Variants in NAB1 observed in about 807,000 individuals in gnomAD.
NAB1 encodes the protein NGFI-A-binding protein 1.
A neutral mutation model predicts 49.9 loss-of-function variants in NAB1; 25 were observed. The ratio of observed to expected loss-of-function variants is 0.50; its 90% CI spans 0.37 to 0.70. The LOEUF (loss-of-function observed/expected upper bound fraction) is 0.70, where lower values mean the gene tolerates loss of function less well. Among genes scored for constraint, NAB1 ranks in the 30% least tolerant of loss-of-function variants. NAB1 has a pLI of 0.00. For synonymous variants in NAB1, 198 were observed against 215.6 expected (o/e 0.92, Z 0.71); for missense variants, 489 against 575.9 (o/e 0.85, Z 1.54).
chr2:190,653,177 T>G (rs1344093726), intron 2 of NAB1, among the ~76,000 whole-genome samples: 1 of 152,202 alleles, frequency 6.6e-6, no homozygotes, highest in Non-Finnish European at 1.5e-5. Context: ...CTCAGGCCCC[T>G]GTACCTTCAA....
chr2:190,680,050 G>A lies in NAB1; in HGVS notation c.1006-3688G>A, dbSNP rs1258517994. Among the ~76,000 whole-genome samples the A allele has an allele frequency of 6.6e-6, 1 of 152,114 alleles. No individual in the cohort carries two copies. The highest frequency in any genetic ancestry group is 1.9e-4 in the East Asian group (1 of 5,192). On this transcript the variant is annotated intron_variant, in intron 6 of 9. Transcript: ENST00000337386. The surrounding 1 kb of genome is among the most constrained non-coding windows in gnomAD (Gnocchi z 5.2). ...GAATGTCATAACCAAACTCTCAGTT[G>A]CCTTATTTCTGCGGCACCTGCCACT...
Position 190,690,254 on chromosome 2 carries a change from G to A in NAB1, c.1385G>A (p.Gly462Glu). The A allele has an allele frequency of 3.1e-6, 5 of 1,609,150 alleles. No individual in the cohort carries two copies. Among genetic ancestry groups the A allele is most frequent in the Non-Finnish European group, 4.3e-6 (5 of 1,176,178 alleles). ...TTCCATTTTTATGTAGAGAGCCTTG[G>A]GATTTTAAAAGACTACCCTCATTCA... ...EAKSHSSESLGILKDYPHSAF... is the reference protein window; with the variant it reads ...EAKSHSSESLEILKDYPHSAF... Residue 462 changes from glycine to glutamate, a missense_variant, in exon 10 of 10, where the codon GGG becomes GAG. By Grantham distance (98) the Gly-to-Glu change is moderately conservative (BLOSUM62 -2). Coordinates refer to ENST00000337386, the MANE Select transcript of NAB1 (RefSeq NM_005966.4).
intron 4 of NAB1, 86 bp downstream of exon 4, chr2:190,660,081 A>G (rs1694144098): frequency 1.7e-6 from 2 of 1,185,362 alleles, no homozygotes; most frequent in Non-Finnish European, 2.4e-6. Context: ...TTTGCCACAA[A>G]TGTGATACAC....
intron 4 of NAB1, 52 bp downstream of exon 4, chr2:190,660,047 C>CTAA (rs762711434): frequency 6.7e-7 from 1 of 1,500,606 alleles, no homozygotes; most frequent in African/African-American, 1.4e-5. Flanking sequence ...TGTTGCTAGT[C>CTAA]GTTAGAGATA....
chr2:190,672,583 G>A (rs1483510953), intron 5 of NAB1, among the ~76,000 whole-genome samples: 2 of 152,122 alleles, frequency 1.3e-5, no homozygotes, highest in African/African-American at 2.4e-5. Context: ...TACATCTTAA[G>A]TGGTCATTTT....
Position 190,649,607 on chromosome 2 carries a change from G to A in NAB1, c.-333-239G>A, listed in dbSNP as rs754753580. On this transcript the variant is annotated intron_variant, in intron 1 of 9. Coordinates refer to ENST00000337386, the MANE Select transcript of NAB1 (RefSeq NM_005966.4). This position sits in a 1 kb window ranked among gnomAD's most constrained non-coding sequence, Gnocchi z 6.1. Reference sequence around the variant, plus strand: ...GCGGCGGGGAGCGCGGCCCTGACTCGTGCATTTTCCCTCCGAGAAAGGTTG... The same window carrying A: ...GCGGCGGGGAGCGCGGCCCTGACTCATGCATTTTCCCTCCGAGAAAGGTTG... Among the ~76,000 whole-genome samples, 6 of 151,992 alleles carry A rather than the reference G, an allele frequency of 3.9e-5. No individual in the cohort carries two copies. Among genetic ancestry groups the A allele is most frequent in the Admixed American group, 6.5e-5 (1 of 15,268 alleles).
Position 190,676,512 on chromosome 2 carries a change from T to G in NAB1, c.1005+3360T>G, listed in dbSNP as rs1156412559. 1.3e-5 allele frequency among the ~76,000 whole-genome samples: 2 copies of G among 152,262 alleles called. No individual in the cohort carries two copies. The highest frequency in any genetic ancestry group is 3.9e-4 in the East Asian group (2 of 5,180). On this transcript the variant is annotated intron_variant, in intron 6 of 9. Transcript: ENST00000337386. The surrounding 1 kb of genome is among the most constrained non-coding windows in gnomAD (Gnocchi z 4.6). The stretch of plus-strand genomic sequence containing the variant: ...GTGAGGCTGAGGCAGATGGATTGCT[T>G]GAGTCCAGGAGTTTGAGACCAGCCT...
rs1475097140 is a variant in NAB1, at chr2:190,651,204, A to G, written c.-197+1222A>G. On this transcript the variant is annotated intron_variant, in intron 2 of 9. Coordinates refer to ENST00000337386, the MANE Select transcript of NAB1 (RefSeq NM_005966.4). This position sits in a 1 kb window ranked among gnomAD's most constrained non-coding sequence, Gnocchi z 4.3. Reference sequence around the variant, plus strand: ...TGTTACAAGGACATTTAGTAAGCTTATATGTCTAGTAAATAACTTGATCTA... The same window carrying G: ...TGTTACAAGGACATTTAGTAAGCTTGTATGTCTAGTAAATAACTTGATCTA... 1.3e-5 allele frequency among the ~76,000 whole-genome samples: 2 copies of G among 152,228 alleles called. No homozygotes were observed. The highest frequency in any genetic ancestry group is 2.9e-5 in the Non-Finnish European group (2 of 68,028).
At position 190,675,356 on chromosome 2, in the gene NAB1, G is replaced by C. The variant is rs567330100; in HGVS notation, c.1005+2204G>C. Among the ~76,000 whole-genome samples, 2 of 152,308 alleles carry C rather than the reference G, an allele frequency of 1.3e-5. No individual in the cohort carries two copies. Among genetic ancestry groups the C allele is most frequent in the Admixed American group, 1.3e-4 (2 of 15,302 alleles). Reference sequence around the variant, plus strand: ...AATCTCATGGACTGTTTGAGCTGCAGTTGTTTCTTGATGAGTTTTATTGGT... The same window carrying C: ...AATCTCATGGACTGTTTGAGCTGCACTTGTTTCTTGATGAGTTTTATTGGT... On this transcript the variant is annotated intron_variant, in intron 6 of 9. Coordinates refer to ENST00000337386, the MANE Select transcript of NAB1 (RefSeq NM_005966.4). This position sits in a 1 kb window ranked among gnomAD's most constrained non-coding sequence, Gnocchi z 5.2.
intron 4 of NAB1, among the ~76,000 whole-genome samples, chr2:190,664,799 T>A (rs1694427311): frequency 1.3e-5 from 2 of 151,864 alleles, no homozygotes; most frequent in South Asian, 4.2e-4. Context: ...TTTATATATA[T>A]CTTTTATAAA....
At chr2:190,653,412 G>T (rs1032782566) in intron 2 of NAB1, among the ~76,000 whole-genome samples, 2 of 152,144 alleles carry the variant, frequency 1.3e-5, no homozygotes, top group African/African-American at 4.8e-5. Context: ...CACATTTTTT[G>T]TAAGTCTGTA....
Position 190,687,471 on chromosome 2 carries a change from G to A in NAB1, c.1375+154G>A, listed in dbSNP as rs569652401. Among the ~76,000 whole-genome samples the A allele has an allele frequency of 5.4e-5, 8 of 147,576 alleles. No individual in the cohort carries two copies. In the South Asian group the frequency reaches 8.6e-4, roughly 16 times the overall value. ...TTGAGTATCCCTAACTGGAAAATTC[G>A]AAATGCTTCAGGATCCAAAATGTTT... On this transcript the variant is annotated intron_variant, in intron 9 of 9. Coordinates refer to ENST00000337386, the MANE Select transcript of NAB1 (RefSeq NM_005966.4).
At chr2:190,662,983 G>C (rs1694302767) in intron 4 of NAB1, among the ~76,000 whole-genome samples, 1 of 152,184 alleles carries the variant, frequency 6.6e-6, no homozygotes. Flanking sequence ...TCAAGGCTGA[G>C]TGTTTCAGAG....
At chr2:190,660,029 A>T (rs765492203) in intron 4 of NAB1, 34 bp downstream of exon 4, 3 of 1,560,690 alleles carry the variant, frequency 1.9e-6, no homozygotes, top group Admixed American at 3.5e-5. Context: ...CTGTGTGTGT[A>T]TGTGGCATGT....
At chr2:190,687,091 C>T (rs1695642420) in intron 8 of NAB1, 110 bp from the exon 9 acceptor site, 3 of 504,286 alleles carry the variant, frequency 5.9e-6, no homozygotes, top group South Asian at 4.0e-5. Flanking sequence ...CTTCAGTGCT[C>T]GTTGACTCTC....
intron 2 of NAB1, among the ~76,000 whole-genome samples, chr2:190,653,008 T>C (rs116692131): frequency 0.023 from 3,452 of 152,314 alleles, 132 homozygotes; most frequent in African/African-American, 0.079. Flanking sequence ...CGTTAGTGTA[T>C]TTTTTGTGTG....
At position 190,687,113 on chromosome 2, in the gene NAB1, C is replaced by T. The variant is rs543299743; in HGVS notation, c.1259-88C>T. On this transcript the variant is annotated intron_variant, in intron 8 of 9. Coordinates refer to ENST00000337386, the MANE Select transcript of NAB1 (RefSeq NM_005966.4). ...GCTCGTTGACTCTCCTCACTTTTTT[C>T]CTAAGGAGTGTTCAGGCAAAATTTA... 2.0e-5 allele frequency: 13 copies of T among 636,366 alleles called. No homozygotes were observed. In the South Asian group the frequency reaches 4.0e-4, roughly 20 times the overall value. The allele number at this position is 636,366 out of a possible 1,614,324, so 39.4% of individuals were successfully genotyped here. A position where few individuals can be genotyped will look rare whatever the true frequency, so the allele number is the denominator to read the frequency against.
At position 190,652,869 on chromosome 2, in the gene NAB1, T is replaced by A. The variant is rs538788384; in HGVS notation, c.-197+2887T>A. Among the ~76,000 whole-genome samples, 97 of 152,314 alleles carry A rather than the reference T, an allele frequency of 6.4e-4. No individual in the cohort carries two copies. Among genetic ancestry groups the A allele is most frequent in the Middle Eastern group, 3.4e-3 (1 of 294 alleles). On this transcript the variant is annotated intron_variant, in intron 2 of 9. Coordinates refer to ENST00000337386, the MANE Select transcript of NAB1 (RefSeq NM_005966.4). This position sits in a 1 kb window ranked among gnomAD's most constrained non-coding sequence, Gnocchi z 4.2. Reference sequence around the variant, plus strand: ...TTTAGCTTGAGTTCTGGGTCTAGGATGAGAATAAAAGCGAAAATAATTAAT... The same window carrying A: ...TTTAGCTTGAGTTCTGGGTCTAGGAAGAGAATAAAAGCGAAAATAATTAAT...
rs1694972009 is a variant in NAB1 at position 190,674,400 on chromosome 2, TC to T, written c.1005+1252del. On this transcript the variant is annotated intron_variant, in intron 6 of 9. Transcript: ENST00000337386. The surrounding 1 kb of genome is among the most constrained non-coding windows in gnomAD (Gnocchi z 5.7). ...GATGGCTTCAAGTCACAGCCGAGTT[TC>T]CCCTGACTTCCCTGCCTCCCTTTCT... Among the ~76,000 whole-genome samples the T allele has an allele frequency of 6.6e-6, 1 of 152,208 alleles. No individual in the cohort carries two copies. Among genetic ancestry groups the T allele is most frequent in the South Asian group, 2.1e-4 (1 of 4,832 alleles).
Sources: allele counts gnomAD v4.1 joint callset (sites outside exome capture counted in the v4.1 genomes callset), GRCh38; gene constraint gnomAD v4.1.1; non-coding constraint Gnocchi (gnomAD v3.1); transcripts MANE v1.5; gene names NCBI Gene and HGNC (gene_info 2026-07-23, HGNC 2026-07-21).